The following KLHDC7A variants were observed in gnomAD, a reference collection of about 807,000 sequenced individuals.
KLHDC7A encodes the protein kelch domain containing 7A.
For missense variants in KLHDC7A, 1,123 were observed against 1,052.6 expected (o/e 1.07, Z -0.93); for synonymous variants, 464 against 461.0 (o/e 1.01, Z -0.08).
rs960376536 is a variant in KLHDC7A at position 18,482,493 on chromosome 1, C to T, written c.1512C>T (p.Asp504=). The change falls in exon 1 of 1, where the codon GAC becomes GAT. Residue 504 remains aspartate (D), a synonymous_variant. Coordinates refer to ENST00000400664, the MANE Select transcript of KLHDC7A (RefSeq NM_152375.3). ...TGGCTGACGTGTGCCCCAAGGAAGA[C>T]TCCGGCGGCCTCTGTTGCTATGACG... ...LVVADVCPKE[D]SGGLCCYDDE... The T allele has an allele frequency of 6.8e-6, 11 of 1,611,620 alleles. No individual in the cohort carries two copies. In the African/African-American group the frequency reaches 1.3e-4, roughly 20 times the overall value.
chr1:18,482,986 A>G lies in KLHDC7A; in HGVS notation c.2005A>G (p.Thr669Ala). 1 of 1,613,030 alleles carries G rather than the reference A, an allele frequency of 6.2e-7. No individual in the cohort carries two copies. The highest frequency in any genetic ancestry group is 1.7e-5 in the Admixed American group (1 of 60,000). The change falls in exon 1 of 1, where the codon ACG (threonine) becomes GCG (alanine). Residue 669 changes from threonine (T) to alanine (A), a missense_variant. Physicochemically the swap from Thr to Ala is moderately conservative, Grantham distance 58. Transcript: ENST00000400664. Reference protein sequence around the residue: ...AGPTGGSKDRTAEMVAVNGFL... With the variant: ...AGPTGGSKDRAAEMVAVNGFL... ...CCCCACCGGGGGCAGCAAGGACCGC[A>G]CGGCCGAGATGGTGGCGGTCAACGG... is the stretch of plus-strand genomic sequence containing the variant.
Position 18,483,372 on chromosome 1 carries a change from G to A in KLHDC7A, c.*57G>A. On this transcript the variant is annotated 3_prime_UTR_variant, in exon 1 of 1. Transcript: ENST00000400664. ...TGGGGGCCACCGGGCTCCACTGCCAGCCGTCCCTCTGGGGGCCATTTCTAG... is the reference window on the plus strand; with the variant it reads ...TGGGGGCCACCGGGCTCCACTGCCAACCGTCCCTCTGGGGGCCATTTCTAG... 6.4e-7 allele frequency: 1 copy of A among 1,571,246 alleles called. No homozygotes were observed. Among genetic ancestry groups the A allele is most frequent in the East Asian group, 2.3e-5 (1 of 44,440 alleles).
rs940577880 is a variant in KLHDC7A at position 18,482,414 on chromosome 1, C to T, written c.1433C>T (p.Ala478Val). Residue 478 changes from alanine (A) to valine (V), a missense_variant, in exon 1 of 1, where the codon GCA becomes GTA. Physicochemically the swap from Ala to Val is moderately conservative, Grantham distance 64. Transcript: ENST00000400664. The part of the protein sequence containing the change: ...SPDIYGCLSG[A>V]ERELILQRRL... ...GACATCTACGGGTGCCTGAGCGGGG[C>T]AGAGCGCGAGCTGATCCTGCAGCGC... 6.2e-7 allele frequency: 1 copy of T among 1,607,996 alleles called. No individual in the cohort carries two copies. The highest frequency in any genetic ancestry group is 1.1e-5 in the South Asian group (1 of 91,084).
Position 18,485,942 on chromosome 1 carries a change from A to G in KLHDC7A, c.*2627A>G, listed in dbSNP as rs76594795. On this transcript the variant is annotated 3_prime_UTR_variant, in exon 1 of 1. Coordinates refer to ENST00000400664, the MANE Select transcript of KLHDC7A (RefSeq NM_152375.3). ...GCTCTGTTTTAAACATTAAAAGTAT[A>G]CAAGTTGCTTTGTTACAATAAAACT... is the stretch of plus-strand genomic sequence containing the variant. 6.6e-5 allele frequency: 11 copies of G among 166,496 alleles called. No individual in the cohort carries two copies. Among genetic ancestry groups the G allele is most frequent in the African/African-American group, 2.2e-4 (9 of 41,276 alleles). The allele number at this position is 166,496 out of a possible 1,614,324, so 10.3% of individuals were successfully genotyped here. A position where few individuals can be genotyped will look rare whatever the true frequency, so the allele number is the denominator to read the frequency against.
In KLHDC7A at chr1:18,482,126, T is replaced by G; in HGVS notation, c.1145T>G (p.Phe382Cys). Residue 382 changes from phenylalanine (F) to cysteine (C), a missense_variant, in exon 1 of 1, where the codon TTC (phenylalanine) becomes TGC (cysteine). Transcript: ENST00000400664. ...GAGCTGCAGCTGCAGCCAGATGGCT[T>G]CCGGCTCCCCGCTCCACCCTGCCCA... The part of the protein sequence containing the change: ...NPELQLQPDG[F>C]RLPAPPCPDP... 1 of 1,611,708 alleles carries G rather than the reference T, an allele frequency of 6.2e-7. No homozygotes were observed. The highest frequency in any genetic ancestry group is 8.5e-7 in the Non-Finnish European group (1 of 1,179,344).
Position 18,482,992 on chromosome 1 carries a change from G to A in KLHDC7A, c.2011G>A (p.Glu671Lys). Residue 671 changes from glutamate to lysine, a missense_variant, in exon 1 of 1, where the codon GAG (glutamate) becomes AAG (lysine). Physicochemically the swap from Glu to Lys is moderately conservative, Grantham distance 56. Transcript: ENST00000400664. ...PTGGSKDRTAEMVAVNGFLYR... is the reference protein window; with the variant it reads ...PTGGSKDRTAKMVAVNGFLYR... ...CGGGGGCAGCAAGGACCGCACGGCCGAGATGGTGGCGGTCAACGGCTTTCT... is the reference window on the plus strand; with the variant it reads ...CGGGGGCAGCAAGGACCGCACGGCCAAGATGGTGGCGGTCAACGGCTTTCT... The A allele has an allele frequency of 1.2e-6, 2 of 1,613,168 alleles. No homozygotes were observed. Among genetic ancestry groups the A allele is most frequent in the Non-Finnish European group, 8.5e-7 (1 of 1,179,916 alleles).
In KLHDC7A at chr1:18,483,622, G is replaced by A. The variant is rs143044031; in HGVS notation, c.*307G>A. ...CTCTGAATTCTTGGGGGGATACACC[G>A]GGACCCCACCAAAGCTTAGGGGGCA... is the stretch of plus-strand genomic sequence containing the variant. On this transcript the variant is annotated 3_prime_UTR_variant, in exon 1 of 1. Coordinates refer to ENST00000400664, the MANE Select transcript of KLHDC7A (RefSeq NM_152375.3). 773 of 1,295,888 alleles carry A rather than the reference G, an allele frequency of 6.0e-4. 3 individuals are homozygous for A. The African/African-American group carries it at 0.01, about 17-fold the overall frequency. The allele number at this position is 1,295,888 out of a possible 1,614,324, so 80.3% of individuals were successfully genotyped here. A position where few individuals can be genotyped will look rare whatever the true frequency, so the allele number is the denominator to read the frequency against.
In KLHDC7A at chr1:18,481,920, GA is replaced by G; in HGVS notation, c.940del (p.Thr314LeufsTer56). ...GRLAPRTAAL[T>X]EVPSPRPPPG... ...GGCTGGCTCCCAGGACAGCAGCCCT[GA>G]CTGAGGTTCCATCCCCTAGGCCACC... On this transcript the variant is annotated frameshift_variant, in exon 1 of 1. Coordinates refer to ENST00000400664, the MANE Select transcript of KLHDC7A (RefSeq NM_152375.3). LOFTEE classifies it low-confidence loss of function (END_TRUNC). 6.2e-7 allele frequency: 1 copy of G among 1,613,412 alleles called. No individual in the cohort carries two copies. Among genetic ancestry groups the G allele is most frequent in the East Asian group, 2.2e-5 (1 of 44,870 alleles).
rs764870914 is a variant in KLHDC7A at position 18,481,354 on chromosome 1, G to A, written c.373G>A (p.Glu125Lys). 1.2e-6 allele frequency: 2 copies of A among 1,604,774 alleles called. No homozygotes were observed. Among genetic ancestry groups the A allele is most frequent in the African/African-American group, 2.7e-5 (2 of 74,802 alleles). The change falls in exon 1 of 1, where the codon GAG (glutamate) becomes AAG (lysine). Residue 125 changes from glutamate to lysine, a missense_variant. Glu to Lys is a moderately conservative substitution (Grantham distance 56). Transcript: ENST00000400664. ...GCCCCAGAGAAAAGGCTCAGGTGAGGAGCGGGGCGGGCAGGGCTCGGACTC... is the reference window on the plus strand; with the variant it reads ...GCCCCAGAGAAAAGGCTCAGGTGAGAAGCGGGGCGGGCAGGGCTCGGACTC... Reference protein sequence around the residue: ...RKPQRKGSGEERGGQGSDSEQ... With the variant: ...RKPQRKGSGEKRGGQGSDSEQ...
chr1:18,483,136 G>T lies in KLHDC7A; in HGVS notation c.2155G>T (p.Ala719Ser), dbSNP rs2086910543. Residue 719 changes from alanine (A) to serine (S), a missense_variant, in exon 1 of 1, where the codon GCC (alanine) becomes TCC (serine). Physicochemically the swap from Ala to Ser is moderately conservative, Grantham distance 99. Transcript: ENST00000400664. ...RTPYPDAFQCAVVDNLIYCVG... is the reference protein window; with the variant it reads ...RTPYPDAFQCSVVDNLIYCVG... ...GCCTTACCCGGATGCCTTCCAGTGC[G>T]CCGTGGTGGACAACCTCATCTACTG... 1 of 1,613,884 alleles carries T rather than the reference G, an allele frequency of 6.2e-7. No homozygotes were observed. The highest frequency in any genetic ancestry group is 8.5e-7 in the Non-Finnish European group (1 of 1,180,042).
At position 18,481,937 on chromosome 1, in the gene KLHDC7A, C is replaced by A. The variant is rs1271285883; in HGVS notation, c.956C>A (p.Pro319His). Reference protein sequence around the residue: ...RTAALTEVPSPRPPPGSLGTG... With the variant: ...RTAALTEVPSHRPPPGSLGTG... The stretch of plus-strand genomic sequence containing the variant: ...GCAGCCCTGACTGAGGTTCCATCCC[C>A]TAGGCCACCGCCAGGGTCCCTGGGA... The change falls in exon 1 of 1, where the codon CCT becomes CAT. Residue 319 changes from proline (P) to histidine (H), a missense_variant. Transcript: ENST00000400664. 5 of 1,613,166 alleles carry A rather than the reference C, an allele frequency of 3.1e-6. No individual in the cohort carries two copies. The African/African-American group carries it at 6.7e-5, about 22-fold the overall frequency.
Position 18,483,446 on chromosome 1 carries a change from C to T in KLHDC7A, c.*131C>T. ...GGCCATCAAGAGGTGAATTCCGGTC[C>T]TTTCTCCTCCCCTAGCTGGGGAGAG... On this transcript the variant is annotated 3_prime_UTR_variant, in exon 1 of 1. Transcript: ENST00000400664. 5 of 1,488,632 alleles carry T rather than the reference C, an allele frequency of 3.4e-6. No individual in the cohort carries two copies. Among genetic ancestry groups the T allele is most frequent in the Non-Finnish European group, 4.5e-6 (5 of 1,120,072 alleles). The allele number at this position is 1,488,632 out of a possible 1,614,324, so 92.2% of individuals were successfully genotyped here.
In KLHDC7A at chr1:18,482,303, TG is replaced by T. The variant is rs2086898381; in HGVS notation, c.1324del (p.Ala442ProfsTer9). The T allele has an allele frequency of 1.9e-6, 3 of 1,602,376 alleles. No homozygotes were observed. In the East Asian group the frequency reaches 6.7e-5, roughly 36 times the overall value. On this transcript the variant is annotated frameshift_variant, in exon 1 of 1. Coordinates refer to ENST00000400664, the MANE Select transcript of KLHDC7A (RefSeq NM_152375.3). LOFTEE classifies it low-confidence loss of function (END_TRUNC). ...DLGNCYEVLT[L>X]AKRQNLEALK... ...GGCAATTGCTATGAGGTGCTGACCT[TG>T]GCCAAGAGGCAGAACCTGGAGGCCC...
Position 18,481,679 on chromosome 1 carries a change from G to A in KLHDC7A, c.698G>A (p.Arg233Lys). The A allele has an allele frequency of 6.2e-7, 1 of 1,614,150 alleles. No individual in the cohort carries two copies. The highest frequency in any genetic ancestry group is 2.2e-5 in the East Asian group (1 of 44,876). ...WVFTRVIGVS[R>K]EEAGALEAAS... ...TTCACCCGTGTGATAGGGGTCAGCA[G>A]AGAAGAGGCTGGGGCTCTCGAGGCT... is the stretch of plus-strand genomic sequence containing the variant. Residue 233 changes from arginine to lysine, a missense_variant, in exon 1 of 1, where the codon AGA becomes AAA. Coordinates refer to ENST00000400664, the MANE Select transcript of KLHDC7A (RefSeq NM_152375.3).
At position 18,482,798 on chromosome 1, in the gene KLHDC7A, A is replaced by AC; in HGVS notation, c.1822dup (p.Arg608ProfsTer14). 6.3e-7 allele frequency: 1 copy of AC among 1,597,344 alleles called. No homozygotes were observed. Among genetic ancestry groups the AC allele is most frequent in the Non-Finnish European group, 8.5e-7 (1 of 1,174,230 alleles). ...TGTCTGAACTCGGTGGAGCGTTACG[A>AC]CCCCCGCCTGGACCGCTGGGACTTT... On this transcript the variant is annotated frameshift_variant, in exon 1 of 1. Coordinates refer to ENST00000400664, the MANE Select transcript of KLHDC7A (RefSeq NM_152375.3). LOFTEE classifies it low-confidence loss of function (END_TRUNC).
Position 18,482,476 on chromosome 1 carries a change from G to T in KLHDC7A, c.1495G>T (p.Val499Leu), listed in dbSNP as rs201579788. The T allele has an allele frequency of 1.2e-6, 2 of 1,611,426 alleles. No individual in the cohort carries two copies. Among genetic ancestry groups the T allele is most frequent in the Non-Finnish European group, 1.7e-6 (2 of 1,179,904 alleles). ...RGRQYLVVAD[V>L]CPKEDSGGLC... is the part of the protein sequence containing the mutation. ...CCGCCAGTACCTGGTGGTGGCTGACGTGTGCCCCAAGGAAGACTCCGGCGG... is the reference window on the plus strand; with the variant it reads ...CCGCCAGTACCTGGTGGTGGCTGACTTGTGCCCCAAGGAAGACTCCGGCGG... The change falls in exon 1 of 1, where the codon GTG (valine) becomes TTG (leucine). Residue 499 changes from valine (V) to leucine (L), a missense_variant. Coordinates refer to ENST00000400664, the MANE Select transcript of KLHDC7A (RefSeq NM_152375.3).
In KLHDC7A at chr1:18,481,689, T is replaced by TG. The variant is rs771622033; in HGVS notation, c.712dup (p.Ala238GlyfsTer9). The TG allele has an allele frequency of 2.7e-5, 43 of 1,613,988 alleles. No homozygotes were observed. The highest frequency in any genetic ancestry group is 3.6e-5 in the Non-Finnish European group (43 of 1,180,030). On this transcript the variant is annotated frameshift_variant, in exon 1 of 1. Coordinates refer to ENST00000400664, the MANE Select transcript of KLHDC7A (RefSeq NM_152375.3). LOFTEE classifies it low-confidence loss of function (END_TRUNC). ...TGATAGGGGTCAGCAGAGAAGAGGC[T>TG]GGGGCTCTCGAGGCTGCCTCCGATG...
At position 18,482,918 on chromosome 1, in the gene KLHDC7A, T is replaced by C. The variant is rs1321712955; in HGVS notation, c.1937T>C (p.Leu646Pro). 1.2e-6 allele frequency: 2 copies of C among 1,610,852 alleles called. No individual in the cohort carries two copies. Among genetic ancestry groups the C allele is most frequent in the Non-Finnish European group, 1.7e-6 (2 of 1,179,394 alleles). The part of the protein sequence containing the change: ...IFVTGGSLRF[L>P]LFRFSAQEQR... ...GTCACCGGCGGCTCGCTGCGCTTCC[T>C]GCTGTTCCGCTTCTCTGCGCAGGAG... The change falls in exon 1 of 1, where the codon CTG (leucine) becomes CCG (proline). Residue 646 changes from leucine (L) to proline (P), a missense_variant. Physicochemically the swap from Leu to Pro is moderately conservative, Grantham distance 98. Coordinates refer to ENST00000400664, the MANE Select transcript of KLHDC7A (RefSeq NM_152375.3).
At position 18,482,902 on chromosome 1, in the gene KLHDC7A, G is replaced by T. The variant is rs757275158; in HGVS notation, c.1921G>T (p.Gly641Cys). 5 of 1,609,862 alleles carry T rather than the reference G, an allele frequency of 3.1e-6. No individual in the cohort carries two copies. Among genetic ancestry groups the T allele is most frequent in the South Asian group, 1.1e-5 (1 of 90,806 alleles). ...TGCCAAGGAAATCTTCGTCACCGGCGGCTCGCTGCGCTTCCTGCTGTTCCG... is the reference window on the plus strand; with the variant it reads ...TGCCAAGGAAATCTTCGTCACCGGCTGCTCGCTGCGCTTCCTGCTGTTCCG... ...VRAKEIFVTG[G>C]SLRFLLFRFS... The change falls in exon 1 of 1, where the codon GGC becomes TGC. Residue 641 changes from glycine (G) to cysteine (C), a missense_variant. Gly to Cys is a radical substitution (Grantham distance 159). Transcript: ENST00000400664.
Sources: allele counts gnomAD v4.1 joint callset, GRCh38; gene constraint gnomAD v4.1.1; transcripts MANE v1.5; gene names NCBI Gene and HGNC (gene_info 2026-07-23, HGNC 2026-07-21).